PTPN11: variants seen among roughly 807,000 people sequenced by gnomAD.
PTPN11 encodes protein tyrosine phosphatase non-receptor type 11, also known as tyrosine-protein phosphatase non-receptor type 11.
Under a neutral mutation model 78.8 loss-of-function variants are expected in PTPN11, and 6 were observed. The observed-to-expected ratio is 0.08, with a 90% CI of 0.04 to 0.15. PTPN11 has a LOEUF of 0.15. Ranked by LOEUF, PTPN11 falls within the 10% of genes least tolerant of loss-of-function variation. The pLI is 1.00. For synonymous variants in PTPN11, 221 were observed against 263.5 expected (o/e 0.84, Z 1.56); for missense variants, 386 against 744.8 (o/e 0.52, Z 5.61).
intron 3 of PTPN11, among the ~76,000 whole-genome samples, chr12:112,451,312 C>A (rs1028397685): frequency 3.9e-5 from 6 of 152,118 alleles, no homozygotes; most frequent in Non-Finnish European, 5.9e-5. Flanking sequence ...CAGTTTATTT[C>A]TAAATTTTAC....
chr12:112,419,859 A>C (rs547135291), intron 1 of PTPN11, among the ~76,000 whole-genome samples: 1 of 152,240 alleles, frequency 6.6e-6, no homozygotes, highest in Admixed American at 6.5e-5. Context: ...CAGAAGCAAC[A>C]TGCTAGTAAA....
At chr12:112,493,415 C>T (rs1326388245) in intron 13 of PTPN11, among the ~76,000 whole-genome samples, 1 of 137,636 alleles carries the variant, frequency 7.3e-6, no homozygotes, top group Admixed American at 7.4e-5. Context: ...GATGGAGTCT[C>T]ACTTTGTCAC....
chr12:112,494,399 A>G (rs957244269), intron 13 of PTPN11, among the ~76,000 whole-genome samples: 9 of 152,184 alleles, frequency 5.9e-5, no homozygotes, highest in Non-Finnish European at 8.8e-5. Context: ...CAAGCCTACT[A>G]TAAGGAAGGG....
At chr12:112,472,308 G>A (rs1034523672) in intron 6 of PTPN11, among the ~76,000 whole-genome samples, 1 of 152,074 alleles carries the variant, frequency 6.6e-6, no homozygotes, top group Non-Finnish European at 1.5e-5. Context: ...TTGTACGTAG[G>A]TGAATGCAAG....
intron 6 of PTPN11, among the ~76,000 whole-genome samples, chr12:112,467,094 T>G (rs2038339128): frequency 6.6e-6 from 1 of 152,118 alleles, no homozygotes; most frequent in African/African-American, 2.4e-5. Context: ...TGGCCATAAA[T>G]GTAAGGGTTG....
rs2038938345 is a variant in PTPN11 at position 112,506,581 on chromosome 12, A to G, written c.*789A>G. 6.6e-6 allele frequency: 1 copy of G among 152,214 alleles called. No homozygotes were observed. The highest frequency in any genetic ancestry group is 1.5e-5 in the Non-Finnish European group (1 of 68,044). 9.4% of individuals were successfully genotyped at this position (152,214 alleles called of 1,614,324 possible). On this transcript the variant is annotated 3_prime_UTR_variant, in exon 16 of 16. Coordinates refer to ENST00000351677, the MANE Select transcript of PTPN11 (RefSeq NM_002834.5). ...AGAAAAAAGGCGTCTATGAATGACC[A>G]GTGTTTTTGGTCGCCAAATGTTGCT... is the stretch of plus-strand genomic sequence containing the variant.
At chr12:112,498,833 C>A (rs1001883310) in intron 13 of PTPN11, among the ~76,000 whole-genome samples, 65 of 152,172 alleles carry the variant, frequency 4.3e-4, no homozygotes, top group Non-Finnish European at 2.5e-4. Context: ...TAAGACAAGC[C>A]CATCTGATTT....
At chr12:112,469,287 G>A (rs1209226213) in intron 6 of PTPN11, among the ~76,000 whole-genome samples, 6 of 151,946 alleles carry the variant, frequency 3.9e-5, no homozygotes, top group Non-Finnish European at 5.9e-5. Context: ...TATCTAGTCC[G>A]TAGATGAAGC....
At chr12:112,432,542 G>A (rs1263253150) in intron 1 of PTPN11, among the ~76,000 whole-genome samples, 2 of 151,876 alleles carry the variant, frequency 1.3e-5, no homozygotes, top group Non-Finnish European at 2.9e-5. Context: ...GGTGGCGGGT[G>A]CCTGTAATCC....
rs529382859 is a variant in PTPN11, at chr12:112,499,943, T to TA, written c.1600-2183dup. On this transcript the variant is annotated intron_variant, in intron 13 of 15. Coordinates refer to ENST00000351677, the MANE Select transcript of PTPN11 (RefSeq NM_002834.5). ...GGTGACAGTGTGAGACCCTGTCTCT[T>TA]AAAAAAAAAAAAAAAAAAGGCCAGG... Among the ~76,000 whole-genome samples, 634 of 117,242 alleles carry TA rather than the reference T, an allele frequency of 5.4e-3. 4 individuals carry two copies. Among genetic ancestry groups the TA allele is most frequent in the African/African-American group, 0.011 (359 of 31,306 alleles). The allele number at this position is 117,242 out of a possible 152,430, so 76.9% of individuals were successfully genotyped here.
At chr12:112,443,825 A>T (rs1400953490) in intron 1 of PTPN11, among the ~76,000 whole-genome samples, 1 of 150,740 alleles carries the variant, frequency 6.6e-6, no homozygotes, top group Non-Finnish European at 1.5e-5. Flanking sequence ...GCTAATTTTT[A>T]TATTTTTTTG....
At chr12:112,421,157 G>A (rs1045586013) in intron 1 of PTPN11, among the ~76,000 whole-genome samples, 1 of 152,162 alleles carries the variant, frequency 6.6e-6, no homozygotes, top group Non-Finnish European at 1.5e-5. Context: ...CACCCAAAAA[G>A]CCGGGTTATG....
intron 1 of PTPN11, among the ~76,000 whole-genome samples, chr12:112,436,978 A>G (rs1254181888): frequency 1.3e-5 from 2 of 152,118 alleles, no homozygotes; most frequent in Non-Finnish European, 2.9e-5. Flanking sequence ...CTTAAAAAGC[A>G]ATTGAATTGT....
intron 7 of PTPN11, among the ~76,000 whole-genome samples, chr12:112,476,248 A>G (rs550539118): frequency 3.7e-4 from 57 of 152,340 alleles, no homozygotes; most frequent in African/African-American, 1.4e-3. Context: ...TAAAGGTCTC[A>G]TTCAGATGTT....
chr12:112,494,770 C>T (rs2135922719), intron 13 of PTPN11, among the ~76,000 whole-genome samples: 1 of 152,322 alleles, frequency 6.6e-6, no homozygotes, highest in East Asian at 1.9e-4. Context: ...TCTAAAACCT[C>T]ACATATGTGT....
chr12:112,424,956 T>TTTG (rs2037587896), intron 1 of PTPN11, among the ~76,000 whole-genome samples: 1 of 89,006 alleles, frequency 1.1e-5, no homozygotes, highest in Non-Finnish European at 2.2e-5. Flanking sequence ...GTCAGGCTAA[T>TTTG]TGTGTGTGTG....
At position 112,505,673 on chromosome 12, in the gene PTPN11, A is replaced by C. The variant is rs184193964; in HGVS notation, c.*33-152A>C. Among the ~76,000 whole-genome samples the C allele has an allele frequency of 0.018, 2,768 of 151,464 alleles. 99 individuals are homozygous for C. The highest frequency in any genetic ancestry group is 0.063 in the African/African-American group (2,605 of 41,176). On this transcript the variant is annotated intron_variant, in intron 15 of 15. Coordinates refer to ENST00000351677, the MANE Select transcript of PTPN11 (RefSeq NM_002834.5). ...CTCCATCTCAAAAAAAAAAAAAAAA[A>C]AAAAAAAACTCAGTGTCAGTATTTC...
At chr12:112,422,953 G>A (rs1014486867) in intron 1 of PTPN11, among the ~76,000 whole-genome samples, 1 of 152,168 alleles carries the variant, frequency 6.6e-6, no homozygotes, top group Non-Finnish European at 1.5e-5. Context: ...TTCCCTCTGG[G>A]AAACACAGAC....
chr12:112,468,467 CT>C (rs2038363850), intron 6 of PTPN11, among the ~76,000 whole-genome samples: 1 of 152,180 alleles, frequency 6.6e-6, no homozygotes, highest in Non-Finnish European at 1.5e-5. Context: ...CAGTCTCACT[CT>C]AGATGGATGG....
Sources: gnomAD v4.1 joint callset for allele counts (sites outside exome capture counted in the v4.1 genomes callset) on GRCh38, gnomAD v4.1.1 for gene constraint, MANE v1.5 for transcripts, NCBI Gene and HGNC (gene_info 2026-07-23, HGNC 2026-07-21) for gene names.